Variants in CDC73 observed in about 807,000 individuals in gnomAD.
CDC73 encodes the protein parafibromin.
CDC73 carries 21 observed loss-of-function variants against 83.7 expected under a neutral mutation model. The observed-to-expected ratio is 0.25, with a 90% confidence interval of 0.18 to 0.36. The LOEUF (loss-of-function observed/expected upper bound fraction) is 0.36. Among genes scored for constraint, CDC73 ranks in the 10% least tolerant of loss-of-function variants. The pLI is 1.00. For missense variants in CDC73, 342 were observed against 653.3 expected, an observed-to-expected ratio of 0.52 and a Z score of 5.19; for synonymous variants, 224 against 212.9, an observed-to-expected ratio of 1.05 and a Z score of -0.45.
At chr1:193,143,626 T>TA (rs57140985) in intron 7 of CDC73, among the ~76,000 whole-genome samples, 2 of 152,134 alleles carry the variant, frequency 1.3e-5, no homozygotes, top group Non-Finnish European at 2.9e-5. Context: ...TATTAAAAAA[T>TA]AAAAAATACT....
chr1:193,233,185 A>G, intron 14 of CDC73, 31 bp downstream of exon 14: 3 of 1,576,662 alleles, frequency 1.9e-6, no homozygotes, highest in Non-Finnish European at 2.6e-6. Flanking sequence ...ATATCTTTTC[A>G]CAGGTGTTGA....
intron 15 of CDC73, among the ~76,000 whole-genome samples, chr1:193,237,865 G>C (rs1042699777): frequency 7.9e-5 from 12 of 152,118 alleles, no homozygotes; most frequent in Admixed American, 7.2e-4. Flanking sequence ...GTTGGGCCCG[G>C]CAACTGACAT....
At chr1:193,153,517 G>T (rs1676156896) in intron 10 of CDC73, among the ~76,000 whole-genome samples, 1 of 152,218 alleles carries the variant, frequency 6.6e-6, no homozygotes, top group East Asian at 1.9e-4. Flanking sequence ...CATTATATAT[G>T]TGCTGTGGTT....
chr1:193,235,794 A>G (rs2102061362), intron 14 of CDC73, among the ~76,000 whole-genome samples: 1 of 152,354 alleles, frequency 6.6e-6, no homozygotes, highest in East Asian at 1.9e-4. Flanking sequence ...GGGACCTCGT[A>G]AAATGGTTGA....
intron 10 of CDC73, chr1:193,179,560 C>G (rs1459306949): frequency 1.3e-5 from 2 of 152,456 alleles, no homozygotes; most frequent in African/African-American, 4.8e-5. Flanking sequence ...AATGAGGAAA[C>G]AAAACTTGTC....
intron 10 of CDC73, among the ~76,000 whole-genome samples, chr1:193,162,274 T>TAA (rs1279523318): frequency 1.2e-3 from 157 of 127,320 alleles, no homozygotes; most frequent in South Asian, 4.0e-3. Context: ...TAATAGATAA[T>TAA]ATATAGTATA....
intron 10 of CDC73, among the ~76,000 whole-genome samples, chr1:193,166,633 A>G (rs772876105): frequency 1.3e-5 from 2 of 151,920 alleles, no homozygotes; most frequent in Non-Finnish European, 2.9e-5. Flanking sequence ...AGATAAATCA[A>G]ATTTTCACAC....
In CDC73 at chr1:193,253,747, A is replaced by G. The variant is rs1434225360; in HGVS notation, c.*3035A>G. 3 of 231,208 alleles carry G rather than the reference A, an allele frequency of 1.3e-5. No homozygotes were observed. In the East Asian group the frequency reaches 1.8e-4, roughly 14 times the overall value. The allele number at this position is 231,208 out of a possible 1,614,324, so 14.3% of individuals were successfully genotyped here. A position where few individuals can be genotyped will look rare whatever the true frequency, so the allele number is the denominator to read the frequency against. On this transcript the variant is annotated 3_prime_UTR_variant, in exon 17 of 17. Transcript: ENST00000367435. ...TTGATCTGCCATGTAGAATGAGACA[A>G]ATACAGTTTGCTTATGAAAGGAAAG...
chr1:193,191,819 T>C (rs551908208), intron 10 of CDC73, among the ~76,000 whole-genome samples: 15 of 152,304 alleles, frequency 9.8e-5, no homozygotes, highest in Middle Eastern at 6.8e-3. Flanking sequence ...GTATTTCTTA[T>C]ATAAATACTT....
At chr1:193,241,466 T>C (rs1371242567) in intron 15 of CDC73, among the ~76,000 whole-genome samples, 2 of 152,180 alleles carry the variant, frequency 1.3e-5, no homozygotes, top group African/African-American at 4.8e-5. Context: ...AGTCCAGACA[T>C]CATCTTGGGT....
intron 10 of CDC73, among the ~76,000 whole-genome samples, chr1:193,153,798 T>C (rs1447540875): frequency 1.3e-5 from 2 of 152,230 alleles, no homozygotes; most frequent in Non-Finnish European, 2.9e-5. Context: ...TTCTTGTTGC[T>C]GGTCATACAG....
At chr1:193,176,496 AATC>A (rs1676604823) in intron 10 of CDC73, among the ~76,000 whole-genome samples, 3 of 152,220 alleles carry the variant, frequency 2.0e-5, no homozygotes, top group Non-Finnish European at 4.4e-5. Flanking sequence ...AGCATTAAAG[AATC>A]ATCATAGGAG....
At position 193,179,443 on chromosome 1, in the gene CDC73, A is replaced by G. The variant is rs528005154; in HGVS notation, c.973-24352A>G. Reference sequence around the variant, plus strand: ...TTTTGCTTCGATTATCTTTACAGATATATTCGAAGTTAGATATACATGAAA... The same window carrying G: ...TTTTGCTTCGATTATCTTTACAGATGTATTCGAAGTTAGATATACATGAAA... On this transcript the variant is annotated intron_variant, in intron 10 of 16. Transcript: ENST00000367435. 11 of 152,766 alleles carry G rather than the reference A, an allele frequency of 7.2e-5. No homozygotes were observed. The South Asian group carries it at 2.3e-3, about 32-fold the overall frequency. The allele number at this position is 152,766 out of a possible 1,614,324, so 9.5% of individuals were successfully genotyped here. A position where few individuals can be genotyped will look rare whatever the true frequency, so the allele number is the denominator to read the frequency against.
chr1:193,143,590 A>G (rs1282718295), intron 7 of CDC73, among the ~76,000 whole-genome samples: 3 of 152,218 alleles, frequency 2.0e-5, no homozygotes, highest in Non-Finnish European at 4.4e-5. Flanking sequence ...ATTGTTTTGT[A>G]GCTAGGCTTG....
intron 10 of CDC73, among the ~76,000 whole-genome samples, chr1:193,184,595 G>A (rs1558302865): frequency 6.6e-6 from 1 of 151,856 alleles, no homozygotes; most frequent in Non-Finnish European, 1.5e-5. Flanking sequence ...TTTTAAAAGT[G>A]TTGATCTCTT....
intron 10 of CDC73, among the ~76,000 whole-genome samples, chr1:193,176,048 G>A (rs1479908962): frequency 2.0e-5 from 3 of 151,876 alleles, no homozygotes; most frequent in Non-Finnish European, 2.9e-5. Context: ...CCCTGATAAG[G>A]GAATAAAATT....
rs1675573407 is a variant in CDC73 at position 193,126,347 on chromosome 1, A to G, written c.237+1130A>G. ...CTTTCTCAGTGTTTGAAAATTTATT[A>G]CTCAGAGGAAATATTTGGAAACAAC... On this transcript the variant is annotated intron_variant, in intron 2 of 16. Coordinates refer to ENST00000367435, the MANE Select transcript of CDC73 (RefSeq NM_024529.5). Among the ~76,000 whole-genome samples the G allele has an allele frequency of 2.0e-5, 3 of 152,112 alleles. No homozygotes were observed. In the South Asian group the frequency reaches 6.2e-4, roughly 31 times the overall value.
chr1:193,240,000 C>T (rs1452255102), intron 15 of CDC73, among the ~76,000 whole-genome samples: 1 of 152,094 alleles, frequency 6.6e-6, no homozygotes, highest in Admixed American at 6.5e-5. Context: ...CTCCTTCCCT[C>T]CTGCCACACA....
intron 11 of CDC73, among the ~76,000 whole-genome samples, chr1:193,206,699 A>G (rs900099203): frequency 6.6e-6 from 1 of 152,208 alleles, no homozygotes; most frequent in African/African-American, 2.4e-5. Flanking sequence ...TAGAGTTTGC[A>G]TAATTTGGAA....
Sources: gnomAD v4.1 joint callset for allele counts (sites outside exome capture counted in the v4.1 genomes callset) on GRCh38, gnomAD v4.1.1 for gene constraint, MANE v1.5 for transcripts, NCBI Gene and HGNC (gene_info 2026-07-23, HGNC 2026-07-21) for gene names.